C2CD2L: variants seen among roughly 807,000 people sequenced by gnomAD.
The protein encoded by C2CD2L is phospholipid transfer protein C2CD2L.
A neutral mutation model predicts 69.9 loss-of-function variants in C2CD2L; 24 were observed. The ratio of observed to expected loss-of-function variants is 0.34; its 90% CI spans 0.25 to 0.48. The LOEUF is 0.48. Ranked by LOEUF, C2CD2L falls within the 20% of genes least tolerant of loss-of-function variation. The pLI is 0.99. For missense variants in C2CD2L, 811 were observed against 941.5 expected, an observed-to-expected ratio of 0.86 and a Z score of 1.81; for synonymous variants, 367 against 391.0, an observed-to-expected ratio of 0.94 and a Z score of 0.72.
upstream of C2CD2L, among the ~76,000 whole-genome samples, chr11:119,105,702 A>G (rs1442346095): frequency 6.6e-6 from 1 of 151,942 alleles, no homozygotes; most frequent in Non-Finnish European, 1.5e-5. Flanking sequence ...GTAACTAGGT[A>G]GACTCACAGT....
chr11:119,102,860 CTTTTTTTTTTT>C (rs141575057), upstream of C2CD2L, among the ~76,000 whole-genome samples: 11 of 43,410 alleles, frequency 2.5e-4, no homozygotes, highest in East Asian at 9.0e-4. Context: ...AATTCACCAG[CTTTTTTTTTTT>C]TTTTTTTTTT....
Position 119,114,654 on chromosome 11 carries a change from A to C in C2CD2L, c.1909+289A>C. On this transcript the variant is annotated intron_variant, in intron 13 of 13. Coordinates refer to ENST00000648610, the MANE Select transcript of C2CD2L (RefSeq NM_001290474.2). The surrounding 1 kb of genome is among the most constrained non-coding windows in gnomAD (Gnocchi z 5.1). ...CTGCCCTTTAAAAAAAAATTATAAAAATTTATTCCTAGGCAGGGTGTGGTG... is the reference window on the plus strand; with the variant it reads ...CTGCCCTTTAAAAAAAAATTATAAACATTTATTCCTAGGCAGGGTGTGGTG... 1 of 403,614 alleles carries C rather than the reference A, an allele frequency of 2.5e-6. No individual in the cohort carries two copies. Among genetic ancestry groups the C allele is most frequent in the Non-Finnish European group, 4.5e-6 (1 of 220,296 alleles). The allele number at this position is 403,614 out of a possible 1,614,324, so 25.0% of individuals were successfully genotyped here.
upstream of C2CD2L, among the ~76,000 whole-genome samples, chr11:119,103,696 AAAAC>A (rs911231350): frequency 2.5e-3 from 376 of 151,990 alleles, 6 homozygotes; most frequent in Non-Finnish European, 6.0e-4. Flanking sequence ...AAACTGTCTC[AAAAC>A]AAACAAACAA....
Position 119,116,531 on chromosome 11 carries a change from G to A in C2CD2L, c.*275G>A, listed in dbSNP as rs530359945. 1.8e-6 allele frequency: 1 copy of A among 556,016 alleles called. No homozygotes were observed. Among genetic ancestry groups the A allele is most frequent in the African/African-American group, 1.9e-5 (1 of 53,342 alleles). 34.4% of individuals were successfully genotyped at this position (556,016 alleles called of 1,614,324 possible). On this transcript the variant is annotated 3_prime_UTR_variant, in exon 14 of 14. Transcript: ENST00000648610. ...GTGTGGGTATTCCCCAGAAGCATTT[G>A]CCTCCTGCTGAGCCTGGTCCCTGAG...
rs776891538 is a variant in C2CD2L at position 119,112,850 on chromosome 11, C to T, written c.1363C>T (p.Arg455Trp). 11 of 1,613,978 alleles carry T rather than the reference C, an allele frequency of 6.8e-6. No individual in the cohort carries two copies. Among genetic ancestry groups the T allele is most frequent in the Middle Eastern group, 3.3e-4 (2 of 6,058 alleles). ...CACCACAGTCACCACTGTCCAGTCC[C>T]GGCCCCGTATAGACGGCAAATTAGG... ...IVTTVTTVQS[R>W]PRIDGKLDSP... is the part of the protein sequence containing the mutation. The change falls in exon 10 of 14, where the codon CGG becomes TGG. Residue 455 changes from arginine (R) to tryptophan (W), a missense_variant. Coordinates refer to ENST00000648610, the MANE Select transcript of C2CD2L (RefSeq NM_001290474.2).
At position 119,110,785 on chromosome 11, in the gene C2CD2L, C is replaced by T. The variant is rs1477639538; in HGVS notation, c.571-62C>T. ...ATGGAATTCAGGAAGGGAGAGTCCT[C>T]GAATTAGGAGTCCTTGGGTAAATGG... On this transcript the variant is annotated intron_variant, in intron 3 of 13. Coordinates refer to ENST00000648610, the MANE Select transcript of C2CD2L (RefSeq NM_001290474.2). The surrounding 1 kb of genome is among the most constrained non-coding windows in gnomAD (Gnocchi z 5.7). 3.2e-5 allele frequency: 51 copies of T among 1,605,434 alleles called. 1 individual carries two copies. In the South Asian group the frequency reaches 5.1e-4, roughly 16 times the overall value.
In C2CD2L at chr11:119,114,487, AG is replaced by A; in HGVS notation, c.1909+123del. 1.0e-6 allele frequency: 1 copy of A among 972,372 alleles called. No individual in the cohort carries two copies. Among genetic ancestry groups the A allele is most frequent in the Non-Finnish European group, 1.5e-6 (1 of 648,828 alleles). The allele number at this position is 972,372 out of a possible 1,614,324, so 60.2% of individuals were successfully genotyped here. On this transcript the variant is annotated intron_variant, in intron 13 of 13. Coordinates refer to ENST00000648610, the MANE Select transcript of C2CD2L (RefSeq NM_001290474.2). The surrounding 1 kb of genome is among the most constrained non-coding windows in gnomAD (Gnocchi z 5.1). ...TAAGAGATAGCCGGATTCCCAGCCT[AG>A]TTCAGCCAAGCTAGCCTAGAGGGGG...
chr11:119,116,204 T>G lies in C2CD2L; in HGVS notation c.2069T>G (p.Phe690Cys), dbSNP rs769902581. The change falls in exon 14 of 14, where the codon TTT becomes TGT. Residue 690 changes from phenylalanine to cysteine, a missense_variant. By Grantham distance (205) the Phe-to-Cys change is radical. Coordinates refer to ENST00000648610, the MANE Select transcript of C2CD2L (RefSeq NM_001290474.2). ...TTTTCTCGCCGCCTTATCAAGCGCT[T>G]TTCCTTCAAATCCAAACCCAAGGCC... ...GSFSRRLIKR[F>C]SFKSKPKANG... 6.2e-7 allele frequency: 1 copy of G among 1,614,104 alleles called. No individual in the cohort carries two copies. Among genetic ancestry groups the G allele is most frequent in the Non-Finnish European group, 8.5e-7 (1 of 1,180,046 alleles).
chr11:119,112,971 C>T (rs682795), intron 10 of C2CD2L, 97 bp downstream of exon 10: 555,069 of 971,080 alleles, frequency 0.57, 163,002 homozygotes, highest in African/African-American at 0.77. Flanking sequence ...TTAATTCCAA[C>T]TCCCCCTGTT....
rs1025609519 is a variant in C2CD2L at position 119,114,760 on chromosome 11, G to A, written c.1909+395G>A. The A allele has an allele frequency of 3.1e-5, 8 of 257,236 alleles. No individual in the cohort carries two copies. Among genetic ancestry groups the A allele is most frequent in the South Asian group, 1.7e-4 (4 of 23,070 alleles). The allele number at this position is 257,236 out of a possible 1,614,324, so 15.9% of individuals were successfully genotyped here. A position where few individuals can be genotyped will look rare whatever the true frequency, so the allele number is the denominator to read the frequency against. ...TCAAGACTAGCCTGGGCAACATGGCGAGACCCCATCTCTACTAAAAATACA... is the reference window on the plus strand; with the variant it reads ...TCAAGACTAGCCTGGGCAACATGGCAAGACCCCATCTCTACTAAAAATACA... On this transcript the variant is annotated intron_variant, in intron 13 of 13. Coordinates refer to ENST00000648610, the MANE Select transcript of C2CD2L (RefSeq NM_001290474.2). The surrounding 1 kb of genome is among the most constrained non-coding windows in gnomAD (Gnocchi z 5.1).
upstream of C2CD2L, among the ~76,000 whole-genome samples, chr11:119,105,529 A>G (rs892678190): frequency 1.3e-5 from 2 of 152,100 alleles, no homozygotes; most frequent in African/African-American, 2.4e-5. Context: ...AGTCCCAACT[A>G]CTTGGTAGGC....
At chr11:119,108,130 G>T (rs1946639182) in intron 1 of C2CD2L, 35 bp downstream of exon 1, 1 of 1,455,500 alleles carries the variant, frequency 6.9e-7, no homozygotes, top group East Asian at 2.5e-5. Flanking sequence ...GGTCCCTTCA[G>T]CCTTTCCTTC....
upstream of C2CD2L, among the ~76,000 whole-genome samples, chr11:119,104,524 A>C (rs943539471): frequency 2.6e-5 from 4 of 152,244 alleles, no homozygotes; most frequent in Non-Finnish European, 4.4e-5. Context: ...CCATGATGAT[A>C]AAGTCCCAGT....
Position 119,110,482 on chromosome 11 carries a change from G to A in C2CD2L, c.451-79G>A. ...CTTAGGAAAACGGAAGTGGGGAGGGGTCTGCTGAACTATTACAGGGCAGTT... is the reference window on the plus strand; with the variant it reads ...CTTAGGAAAACGGAAGTGGGGAGGGATCTGCTGAACTATTACAGGGCAGTT... On this transcript the variant is annotated intron_variant, in intron 2 of 13. Transcript: ENST00000648610. The surrounding 1 kb of genome is among the most constrained non-coding windows in gnomAD (Gnocchi z 5.7). 1 of 1,489,196 alleles carries A rather than the reference G, an allele frequency of 6.7e-7. No individual in the cohort carries two copies. Among genetic ancestry groups the A allele is most frequent in the Non-Finnish European group, 9.0e-7 (1 of 1,110,866 alleles). 92.2% of individuals were successfully genotyped at this position (1,489,196 alleles called of 1,614,324 possible). A position where few individuals can be genotyped will look rare whatever the true frequency, so the allele number is the denominator to read the frequency against.
intron 10 of C2CD2L, 174 bp from the exon 11 acceptor site, chr11:119,113,437 C>A: frequency 1.1e-6 from 1 of 924,142 alleles, no homozygotes; most frequent in Non-Finnish European, 1.6e-6. Context: ...CTCCCATTAG[C>A]TCCTGGGGTG....
rs752397674 is a variant in C2CD2L, at chr11:119,112,865, G to A, written c.1378G>A (p.Gly460Ser). 8.7e-6 allele frequency: 14 copies of A among 1,613,342 alleles called. No individual in the cohort carries two copies. The highest frequency in any genetic ancestry group is 5.0e-5 in the Admixed American group (3 of 59,894). The change falls in exon 10 of 14, where the codon GGC (glycine) becomes AGC (serine). Residue 460 changes from glycine to serine, a missense_variant. Gly to Ser is a moderately conservative substitution (Grantham distance 56). Coordinates refer to ENST00000648610, the MANE Select transcript of C2CD2L (RefSeq NM_001290474.2). ...TTVQSRPRIDGKLDSPSRSPS... is the reference protein window; with the variant it reads ...TTVQSRPRIDSKLDSPSRSPS... ...TGTCCAGTCCCGGCCCCGTATAGAC[G>A]GCAAATTAGGTAAAGAGAAGGAGCC...
At chr11:119,104,588 T>C (rs1042076178), upstream of C2CD2L, among the ~76,000 whole-genome samples, 8 of 152,244 alleles carry the variant, frequency 5.3e-5, no homozygotes, top group African/African-American at 1.9e-4. Flanking sequence ...TGGCTTCACT[T>C]GAAATTGTGT....
rs750768747 is a variant in C2CD2L at position 119,111,649 on chromosome 11, C to T, written c.1019+20C>T. 1.6e-5 allele frequency: 25 copies of T among 1,527,768 alleles called. 1 individual carries two copies. In the Middle Eastern group the frequency reaches 5.1e-4, roughly 31 times the overall value. 94.6% of individuals were successfully genotyped at this position (1,527,768 alleles called of 1,614,324 possible). ...GGCACTGTAAGGAGTAACCCTGCCC[C>T]GACCCCATGCTCCAGAGCAGAGAGG... On this transcript the variant is annotated intron_variant, in intron 7 of 13. Transcript: ENST00000648610.
chr11:119,109,506 GTCCCCCTGGTACGGA>G lies in C2CD2L; in HGVS notation c.355-592_355-578del, dbSNP rs1204109448. Among the ~76,000 whole-genome samples the G allele has an allele frequency of 6.6e-6, 1 of 152,024 alleles. No individual in the cohort carries two copies. The highest frequency in any genetic ancestry group is 1.5e-5 in the Non-Finnish European group (1 of 67,996). On this transcript the variant is annotated intron_variant, in intron 1 of 13. Coordinates refer to ENST00000648610, the MANE Select transcript of C2CD2L (RefSeq NM_001290474.2). This position sits in a 1 kb window ranked among gnomAD's most constrained non-coding sequence, Gnocchi z 5.1. The stretch of plus-strand genomic sequence containing the variant: ...TCCTCTGAGCTTGTATCTCTTCCCA[GTCCCCCTGGTACGGA>G]TCCCCAAGGCCATGCTCATCTTCAT...
Sources: gnomAD v4.1 joint callset for allele counts (sites outside exome capture counted in the v4.1 genomes callset) on GRCh38, gnomAD v4.1.1 for gene constraint, Gnocchi (gnomAD v3.1) non-coding constraint, MANE v1.5 for transcripts, NCBI Gene and HGNC (gene_info 2026-07-23, HGNC 2026-07-21) for gene names.